The following GPC5 variants were observed in gnomAD, a reference collection of about 807,000 sequenced individuals.
GPC5 encodes glypican 5.
In GPC5, 47 loss-of-function variants were observed where a neutral mutation model predicts 53.9. The ratio of observed to expected loss-of-function variants is 0.87; its 90% CI spans 0.69 to 1.11. The LOEUF (loss-of-function observed/expected upper bound fraction) is 1.11, where lower values mean the gene tolerates loss of function less well. Among genes scored for constraint, GPC5 ranks in the 50% most tolerant of loss-of-function variants. The pLI, the probability that GPC5 is intolerant of heterozygous loss-of-function variation, is 0.00. For synonymous variants in GPC5, 286 were observed against 263.3 expected, an observed-to-expected ratio of 1.09 and a Z score of -0.84; for missense variants, 748 against 713.1, an observed-to-expected ratio of 1.05 and a Z score of -0.56.
At chr13:91,780,778 G>T (rs1407324750) in intron 5 of GPC5, among the ~76,000 whole-genome samples, 2 of 152,154 alleles carry the variant, frequency 1.3e-5, no homozygotes, top group Admixed American at 1.3e-4. Context: ...TCCTCCAAAT[G>T]TATTATGTTT....
intron 7 of GPC5, among the ~76,000 whole-genome samples, chr13:92,329,025 A>C (rs189526356): frequency 6.6e-6 from 1 of 152,188 alleles, no homozygotes; most frequent in East Asian, 1.9e-4. Context: ...GCCACAAACT[A>C]TGTCAGGGCT....
intron 7 of GPC5, among the ~76,000 whole-genome samples, chr13:92,257,097 A>G (rs937098926): frequency 6.6e-6 from 1 of 152,168 alleles, no homozygotes; most frequent in African/African-American, 2.4e-5. Flanking sequence ...AATAAAATAA[A>G]ACTCAAATAT....
At chr13:92,596,257 C>T (rs562091885) in intron 7 of GPC5, among the ~76,000 whole-genome samples, 1 of 152,132 alleles carries the variant, frequency 6.6e-6, no homozygotes, top group African/African-American at 2.4e-5. Flanking sequence ...ATATCACTTA[C>T]TTTGGGAAGC....
chr13:92,425,170 G>T (rs1164440420), intron 7 of GPC5, among the ~76,000 whole-genome samples: 1 of 151,482 alleles, frequency 6.6e-6, no homozygotes. Flanking sequence ...CTGTTCCTTT[G>T]TATCAGGACA....
intron 7 of GPC5, among the ~76,000 whole-genome samples, chr13:92,787,082 T>C (rs1319619938): frequency 6.6e-6 from 1 of 152,188 alleles, no homozygotes; most frequent in Non-Finnish European, 1.5e-5. Flanking sequence ...CATTGAGCAA[T>C]ATAAAATGTA....
chr13:92,206,669 C>T lies in GPC5; in HGVS notation c.1561+61680C>T, dbSNP rs78402547. Among the ~76,000 whole-genome samples, 1,272 of 152,222 alleles carry T rather than the reference C, an allele frequency of 8.4e-3. 25 individuals are homozygous for T. The highest frequency in any genetic ancestry group is 0.029 in the African/African-American group (1,186 of 41,524). On this transcript the variant is annotated intron_variant, in intron 7 of 7. Coordinates refer to ENST00000377067, the MANE Select transcript of GPC5 (RefSeq NM_004466.6). ...GATGCTTTTACTTAATTTCCTTATA[C>T]ATTTGACCATCAATATCAGTATTAT... is the stretch of plus-strand genomic sequence containing the variant.
intron 7 of GPC5, among the ~76,000 whole-genome samples, chr13:92,727,201 T>C (rs1888672542): frequency 6.6e-6 from 1 of 151,502 alleles, no homozygotes. Flanking sequence ...ATATCCATGG[T>C]CTTTGAAATG....
chr13:92,631,243 G>T (rs1053619983), intron 7 of GPC5, among the ~76,000 whole-genome samples: 6 of 151,946 alleles, frequency 3.9e-5, no homozygotes, highest in Admixed American at 1.3e-4. Flanking sequence ...TGTCACTTTT[G>T]ATTTGTGCTA....
chr13:92,452,839 G>A (rs1009386417), intron 7 of GPC5, among the ~76,000 whole-genome samples: 3 of 152,156 alleles, frequency 2.0e-5, no homozygotes, highest in Non-Finnish European at 4.4e-5. Context: ...AAAGTGCTGG[G>A]ATTACAGGCA....
chr13:92,143,182 G>A (rs1479564507), intron 6 of GPC5, among the ~76,000 whole-genome samples: 2 of 151,904 alleles, frequency 1.3e-5, no homozygotes, highest in African/African-American at 2.4e-5. Flanking sequence ...TCTCGTGGTT[G>A]GTATATGTCA....
chr13:92,333,856 G>T (rs966870909), intron 7 of GPC5, among the ~76,000 whole-genome samples: 3 of 152,030 alleles, frequency 2.0e-5, no homozygotes, highest in African/African-American at 7.2e-5. Flanking sequence ...ATGATTAATA[G>T]GCTAAGGGCT....
At chr13:92,657,490 G>A (rs1886173689) in intron 7 of GPC5, among the ~76,000 whole-genome samples, 1 of 150,476 alleles carries the variant, frequency 6.6e-6, no homozygotes, top group African/African-American at 2.4e-5. Context: ...AATCAAGAGG[G>A]AAAATACCAA....
chr13:92,673,313 G>A (rs1459093841), intron 7 of GPC5, among the ~76,000 whole-genome samples: 5 of 146,286 alleles, frequency 3.4e-5, no homozygotes, highest in South Asian at 4.3e-4. Flanking sequence ...ATGGAATCTC[G>A]CTCTGTCGCC....
intron 7 of GPC5, among the ~76,000 whole-genome samples, chr13:92,460,589 G>A (rs908162988): frequency 2.0e-5 from 3 of 152,162 alleles, no homozygotes; most frequent in African/African-American, 7.2e-5. Flanking sequence ...GGCTTATGCA[G>A]TAGTCCTTGA....
In GPC5 at chr13:92,037,683, A is replaced by G. The variant is rs529478707; in HGVS notation, c.1402-107147A>G. Among the ~76,000 whole-genome samples the G allele has an allele frequency of 2.0e-5, 3 of 152,332 alleles. No homozygotes were observed. In the South Asian group the frequency reaches 6.2e-4, roughly 32 times the overall value. ...ATAAATATGAATTCAGTAAATGACTACATAAATCCCTGAAACCTATAAACC... is the reference window on the plus strand; with the variant it reads ...ATAAATATGAATTCAGTAAATGACTGCATAAATCCCTGAAACCTATAAACC... On this transcript the variant is annotated intron_variant, in intron 6 of 7. Coordinates refer to ENST00000377067, the MANE Select transcript of GPC5 (RefSeq NM_004466.6).
intron 7 of GPC5, among the ~76,000 whole-genome samples, chr13:92,422,533 A>ACACACACCC (rs35563055): frequency 9.7e-4 from 118 of 122,162 alleles, no homozygotes; most frequent in African/African-American, 3.8e-3. Flanking sequence ...CACACACACA[A>ACACACACCC]CTTCTTGGAA....
chr13:92,456,327 A>C (rs1878267276), intron 7 of GPC5, among the ~76,000 whole-genome samples: 1 of 152,200 alleles, frequency 6.6e-6, no homozygotes, highest in Admixed American at 6.5e-5. Context: ...TTGAATATAC[A>C]ACAGGTGGCT....
intron 7 of GPC5, among the ~76,000 whole-genome samples, chr13:92,203,755 G>GAAA (rs11456004): frequency 7.0e-6 from 1 of 142,450 alleles, no homozygotes; most frequent in South Asian, 2.2e-4. Context: ...AACTTACTAG[G>GAAA]AAAAAAAAAA....
rs147535591 is a variant in GPC5 at position 92,172,519 on chromosome 13, A to G, written c.1561+27530A>G. Among the ~76,000 whole-genome samples, 275 of 152,364 alleles carry G rather than the reference A, an allele frequency of 1.8e-3. 1 individual carries two copies. The highest frequency in any genetic ancestry group is 6.3e-3 in the African/African-American group (260 of 41,586). ...GAAGAATCAATTTTGAAAGAGTTCTAGAGAGTAAAATAAAGTGGTAAAAAA... is the reference window on the plus strand; with the variant it reads ...GAAGAATCAATTTTGAAAGAGTTCTGGAGAGTAAAATAAAGTGGTAAAAAA... On this transcript the variant is annotated intron_variant, in intron 7 of 7. Coordinates refer to ENST00000377067, the MANE Select transcript of GPC5 (RefSeq NM_004466.6).
Sources: allele counts gnomAD v4.1 joint callset (sites outside exome capture counted in the v4.1 genomes callset), GRCh38; gene constraint gnomAD v4.1.1; transcripts MANE v1.5; gene names NCBI Gene and HGNC (gene_info 2026-07-23, HGNC 2026-07-21).